The following CFLAR variants were observed in gnomAD, a reference collection of about 807,000 sequenced individuals.
CFLAR encodes CASP8 and FADD like apoptosis regulator.
A neutral mutation model predicts 51.1 loss-of-function variants in CFLAR; 14 were observed. The observed-to-expected ratio is 0.27, with a 90% CI of 0.18 to 0.43. The LOEUF (loss-of-function observed/expected upper bound fraction) is 0.43, where lower values mean the gene tolerates loss of function less well. CFLAR is among the 20% of genes least tolerant of loss of function. CFLAR has a pLI of 1.00. For missense variants in CFLAR, 390 were observed against 566.5 expected, an observed-to-expected ratio of 0.69 and a Z score of 3.16; for synonymous variants, 210 against 211.6, an observed-to-expected ratio of 0.99 and a Z score of 0.06.
chr2:201,132,419 AG>A (rs199801124), intron 2 of CFLAR, among the ~76,000 whole-genome samples: 9 of 132,936 alleles, frequency 6.8e-5, no homozygotes, highest in South Asian at 2.2e-4. Flanking sequence ...TCTATTTCCT[AG>A]GGGGGGAAAA....
At position 201,171,349 on chromosome 2, in the gene CFLAR, A is replaced by G. The variant is rs745829871; in HGVS notation, c.*7376A>G. Reference sequence around the variant, plus strand: ...AAAGGAATGAGATCATGTCCTTTGCAGGGACATGGATGAAGCTGGAAGCCA... The same window carrying G: ...AAAGGAATGAGATCATGTCCTTTGCGGGGACATGGATGAAGCTGGAAGCCA... On this transcript the variant is annotated 3_prime_UTR_variant, in exon 10 of 10. Transcript: ENST00000309955. 6.6e-6 allele frequency: 1 copy of G among 152,066 alleles called. No homozygotes were observed. The highest frequency in any genetic ancestry group is 1.5e-5 in the Non-Finnish European group (1 of 68,008). 9.4% of individuals were successfully genotyped at this position (152,066 alleles called of 1,614,324 possible). A position where few individuals can be genotyped will look rare whatever the true frequency, so the allele number is the denominator to read the frequency against.
chr2:201,162,044 A>G (rs1943099997), intron 9 of CFLAR, among the ~76,000 whole-genome samples: 1 of 151,846 alleles, frequency 6.6e-6, no homozygotes, highest in South Asian at 2.1e-4. Context: ...CACCATGCTC[A>G]GCCACCTTCC....
chr2:201,145,739 C>A (rs1420941977), intron 6 of CFLAR: 2 of 260,194 alleles, frequency 7.7e-6, no homozygotes, highest in Non-Finnish European at 1.5e-5. Context: ...ATTGATCCAA[C>A]CATGATAATG....
At position 201,168,832 on chromosome 2, in the gene CFLAR, A is replaced by C. The variant is rs917373378; in HGVS notation, c.*4859A>C. On this transcript the variant is annotated 3_prime_UTR_variant, in exon 10 of 10. Coordinates refer to ENST00000309955, the MANE Select transcript of CFLAR (RefSeq NM_003879.7). ...TTCTATACACCAACAATACACAAGCAGAGAGCCAAATCATGAATGAACTCC... is the reference window on the plus strand; with the variant it reads ...TTCTATACACCAACAATACACAAGCCGAGAGCCAAATCATGAATGAACTCC... 15 of 152,208 alleles carry C rather than the reference A, an allele frequency of 9.9e-5. No individual in the cohort carries two copies. The highest frequency in any genetic ancestry group is 1.0e-4 in the Non-Finnish European group (7 of 68,038). The allele number at this position is 152,208 out of a possible 1,614,324, so 9.4% of individuals were successfully genotyped here.
chr2:201,168,993 C>T lies in CFLAR; in HGVS notation c.*5020C>T, dbSNP rs1393238868. On this transcript the variant is annotated 3_prime_UTR_variant, in exon 10 of 10. Transcript: ENST00000309955. ...CACAAATGAAAAAACATTCCATTCTCGTGGATAGGAAGAATCAATATCATG... is the reference window on the plus strand; with the variant it reads ...CACAAATGAAAAAACATTCCATTCTTGTGGATAGGAAGAATCAATATCATG... 1 of 152,064 alleles carries T rather than the reference C, an allele frequency of 6.6e-6. No individual in the cohort carries two copies. The highest frequency in any genetic ancestry group is 1.5e-5 in the Non-Finnish European group (1 of 68,020). The allele number at this position is 152,064 out of a possible 1,614,324, so 9.4% of individuals were successfully genotyped here.
At chr2:201,161,829 C>T (rs1387336413) in intron 9 of CFLAR, among the ~76,000 whole-genome samples, 5 of 150,492 alleles carry the variant, frequency 3.3e-5, no homozygotes, top group Non-Finnish European at 5.9e-5. Context: ...TCGCTGCAAC[C>T]TCCGCCTGCT....
At chr2:201,132,430 A>AAAATATATAT (rs34318341) in intron 2 of CFLAR, among the ~76,000 whole-genome samples, 3 of 137,960 alleles carry the variant, frequency 2.2e-5, no homozygotes, top group African/African-American at 8.3e-5. Flanking sequence ...GGGGGGGAAA[A>AAAATATATAT]ATATATATAT....
At chr2:201,120,576 T>C (rs1241903660) in intron 1 of CFLAR, among the ~76,000 whole-genome samples, 1 of 152,188 alleles carries the variant, frequency 6.6e-6, no homozygotes, top group African/African-American at 2.4e-5. Context: ...AAGAAATGAA[T>C]AATTTATATG....
rs1315091488 is a variant in CFLAR at position 201,168,512 on chromosome 2, TATC to T, written c.*4542_*4544del. The T allele has an allele frequency of 1.3e-5, 2 of 152,138 alleles. No homozygotes were observed. The highest frequency in any genetic ancestry group is 4.8e-5 in the African/African-American group (2 of 41,434). The allele number at this position is 152,138 out of a possible 1,614,324, so 9.4% of individuals were successfully genotyped here. On this transcript the variant is annotated 3_prime_UTR_variant, in exon 10 of 10. Transcript: ENST00000309955. ...CCATTTATGACAAACCCACAGCCAT[TATC>T]ATACTGAATGGGCAAAAGCTGGAAG...
chr2:201,135,635 A>AT (rs528965856), intron 3 of CFLAR, among the ~76,000 whole-genome samples: 493 of 145,688 alleles, frequency 3.4e-3, no homozygotes, highest in East Asian at 5.0e-3. Context: ...AGTCAGCTCT[A>AT]TTTTTTTTTT....
chr2:201,137,169 G>A (rs1327813231), intron 4 of CFLAR: 3 of 193,532 alleles, frequency 1.6e-5, no homozygotes, highest in South Asian at 1.9e-4. Flanking sequence ...ACAGGGAGGT[G>A]CCCTATAGGA....
At chr2:201,160,970 G>GGACCT (rs1559250840) in intron 9 of CFLAR, 28 bp downstream of exon 9, 1 of 1,537,774 alleles carries the variant, frequency 6.5e-7, no homozygotes, top group Non-Finnish European at 8.9e-7. Flanking sequence ...GGTCAGTTCC[G>GGACCT]GACCACCTGC....
Position 201,138,049 on chromosome 2 carries a change from C to T in CFLAR, c.523+1942C>T. 1.4e-6 allele frequency: 1 copy of T among 722,764 alleles called. No homozygotes were observed. The highest frequency in any genetic ancestry group is 1.4e-5 in the South Asian group (1 of 69,300). 44.8% of individuals were successfully genotyped at this position (722,764 alleles called of 1,614,324 possible). Reference sequence around the variant, plus strand: ...GCAGTGCCCTGGGGCTGACTGCAGGCTATCACTTCCTGGTTGATGTAGATG... The same window carrying T: ...GCAGTGCCCTGGGGCTGACTGCAGGTTATCACTTCCTGGTTGATGTAGATG... On this transcript the variant is annotated intron_variant, in intron 4 of 9. Transcript: ENST00000309955. This position sits in a 1 kb window ranked among gnomAD's most constrained non-coding sequence, Gnocchi z 4.0.
chr2:201,160,877 G>A lies in CFLAR; in HGVS notation c.1239G>A (p.Leu413=), dbSNP rs1364901820. Residue 413 remains leucine, a synonymous_variant, in exon 9 of 10, where the codon CTG becomes CTA. Coordinates refer to ENST00000309955, the MANE Select transcript of CFLAR (RefSeq NM_003879.7). The part of the protein sequence containing the change: ...WSLCTADMSL[L]EQSHSSPSLY... ...TGTGTACTGCGGACATGTCCCTGCT[G>A]GAGCAGTCTCACAGCTCACCATCCC... 4.3e-5 allele frequency: 69 copies of A among 1,611,894 alleles called. No homozygotes were observed. Among genetic ancestry groups the A allele is most frequent in the Non-Finnish European group, 5.8e-5 (68 of 1,178,366 alleles).
At chr2:201,136,671 C>A in intron 4 of CFLAR, 3 of 1,037,854 alleles carry the variant, frequency 2.9e-6, no homozygotes, top group Non-Finnish European at 4.0e-6. Context: ...AAGTTCACTG[C>A]CACCATAGCA....
Position 201,175,132 on chromosome 2 carries a change from G to C in CFLAR, c.*11159G>C, listed in dbSNP as rs565693287. The C allele has an allele frequency of 1.3e-5, 2 of 152,326 alleles. No homozygotes were observed. Among genetic ancestry groups the C allele is most frequent in the East Asian group, 3.9e-4 (2 of 5,184 alleles). 9.4% of individuals were successfully genotyped at this position (152,326 alleles called of 1,614,324 possible). Reference sequence around the variant, plus strand: ...CTCTTGTTTAGCGTATAGTCAAGAAGCAACCATAAATATAGCCAGTCAGCA... The same window carrying C: ...CTCTTGTTTAGCGTATAGTCAAGAACCAACCATAAATATAGCCAGTCAGCA... On this transcript the variant is annotated 3_prime_UTR_variant, in exon 10 of 10. Transcript: ENST00000309955.
chr2:201,120,641 C>A (rs2048109657), intron 1 of CFLAR, among the ~76,000 whole-genome samples: 1 of 151,642 alleles, frequency 6.6e-6, no homozygotes, highest in Non-Finnish European at 1.5e-5. Context: ...AGTTACTTAA[C>A]TCCAAGGTTT....
chr2:201,117,225 G>A (rs2047692450), intron 1 of CFLAR: 1 of 152,206 alleles, frequency 6.6e-6, no homozygotes, highest in Non-Finnish European at 1.5e-5. Context: ...AGCTGGGAAT[G>A]CTTGGCTAAT....
At chr2:201,136,238 C>G (rs1411699469) in intron 4 of CFLAR, 131 bp downstream of exon 4, 1 of 1,606,730 alleles carries the variant, frequency 6.2e-7, no homozygotes, top group Non-Finnish European at 8.5e-7. Flanking sequence ...CCTCCTTTAG[C>G]TTGTGGCTAG....
Sources: allele counts gnomAD v4.1 joint callset (sites outside exome capture counted in the v4.1 genomes callset), GRCh38; gene constraint gnomAD v4.1.1; non-coding constraint Gnocchi (gnomAD v3.1); transcripts MANE v1.5; gene names NCBI Gene and HGNC (gene_info 2026-07-23, HGNC 2026-07-21).